Variants in VWC2L observed in about 807,000 individuals in gnomAD.
The protein encoded by VWC2L is von Willebrand factor C domain-containing protein 2-like.
In VWC2L, 10 loss-of-function variants were observed where a neutral mutation model predicts 21.6. The observed-to-expected ratio is 0.46, with a 90% CI of 0.29 to 0.78. VWC2L has a LOEUF of 0.78. VWC2L is among the 30% of genes least tolerant of loss of function. The pLI is 0.10. For missense variants in VWC2L, 209 were observed against 277.1 expected, an observed-to-expected ratio of 0.75 and a Z score of 1.74; for synonymous variants, 96 against 94.3, an observed-to-expected ratio of 1.02 and a Z score of -0.10.
intron 3 of VWC2L, among the ~76,000 whole-genome samples, chr2:214,545,928 A>G (rs1172694162): frequency 6.6e-6 from 1 of 152,192 alleles, no homozygotes; most frequent in African/African-American, 2.4e-5. Context: ...GCACATACAT[A>G]CTAGAATACT....
intron 3 of VWC2L, among the ~76,000 whole-genome samples, chr2:214,467,024 T>C (rs953775327): frequency 1.3e-5 from 2 of 152,224 alleles, no homozygotes; most frequent in African/African-American, 4.8e-5. Context: ...ATAAATGTTT[T>C]AGAGCTTTGC....
Position 214,520,276 on chromosome 2 carries a change from C to T in VWC2L, c.521-55396C>T, listed in dbSNP as rs145878829. 8.9e-4 allele frequency among the ~76,000 whole-genome samples: 136 copies of T among 152,260 alleles called. 1 individual carries two copies. In the East Asian group the frequency reaches 0.016, roughly 18 times the overall value. On this transcript the variant is annotated intron_variant, in intron 3 of 3. Coordinates refer to ENST00000312504, the MANE Select transcript of VWC2L (RefSeq NM_001080500.4). Reference sequence around the variant, plus strand: ...TAGAATCCTGGGGGTTTGCATCATACATGATGCTCATCCTATGTAACATCA... The same window carrying T: ...TAGAATCCTGGGGGTTTGCATCATATATGATGCTCATCCTATGTAACATCA...
intron 3 of VWC2L, among the ~76,000 whole-genome samples, chr2:214,471,111 A>G (rs1481892425): frequency 6.6e-6 from 1 of 152,104 alleles, no homozygotes; most frequent in Non-Finnish European, 1.5e-5. Context: ...ATTGTCTACA[A>G]GAATGTCTCA....
intron 3 of VWC2L, among the ~76,000 whole-genome samples, chr2:214,532,995 G>A (rs949158416): frequency 2.6e-5 from 4 of 151,798 alleles, no homozygotes; most frequent in Admixed American, 2.0e-4. Flanking sequence ...CAAATCCTTT[G>A]TGATACCTAT....
intron 3 of VWC2L, among the ~76,000 whole-genome samples, chr2:214,471,343 C>T (rs1022466098): frequency 7.9e-5 from 12 of 152,032 alleles, no homozygotes; most frequent in African/African-American, 1.9e-4. Flanking sequence ...TAAAGTTGAA[C>T]GAACAAATCA....
intron 3 of VWC2L, among the ~76,000 whole-genome samples, chr2:214,449,808 A>C (rs1441662605): frequency 6.6e-6 from 1 of 152,226 alleles, no homozygotes. Context: ...AAGGTGATAG[A>C]AAAGAGCAGC....
rs1288815958 is a variant in VWC2L at position 214,577,411 on chromosome 2, A to G, written c.*1591A>G. 1.3e-5 allele frequency: 2 copies of G among 152,220 alleles called. No individual in the cohort carries two copies. The highest frequency in any genetic ancestry group is 4.8e-5 in the African/African-American group (2 of 41,444). 9.4% of individuals were successfully genotyped at this position (152,220 alleles called of 1,614,324 possible). The stretch of plus-strand genomic sequence containing the variant: ...CATCACTGGCCTCTATCCACTAGCA[A>G]CATCCCAGCAACTGGTGACAACCAA... On this transcript the variant is annotated 3_prime_UTR_variant, in exon 4 of 4. Coordinates refer to ENST00000312504, the MANE Select transcript of VWC2L (RefSeq NM_001080500.4).
intron 3 of VWC2L, among the ~76,000 whole-genome samples, chr2:214,522,753 T>A (rs985981049): frequency 3.9e-5 from 6 of 152,318 alleles, no homozygotes; most frequent in African/African-American, 1.2e-4. Context: ...AAATACATAT[T>A]TGCAATAGAT....
chr2:214,414,384 G>A lies in VWC2L; in HGVS notation c.191G>A (p.Gly64Glu). ...VDDSGFVYKL[G>E]ERFFPGHSNC... ...GACAGCGGCTTTGTATACAAGTTGG[G>A]AGAACGATTTTTCCCTGGGCATTCC... The change falls in exon 2 of 4, where the codon GGA (glycine) becomes GAA (glutamate). Residue 64 changes from glycine to glutamate, a missense_variant. Physicochemically the swap from Gly to Glu is moderately conservative, Grantham distance 98. Transcript: ENST00000312504. The A allele has an allele frequency of 6.2e-7, 1 of 1,613,682 alleles. No individual in the cohort carries two copies. The highest frequency in any genetic ancestry group is 8.5e-7 in the Non-Finnish European group (1 of 1,179,748).
chr2:214,534,235 C>T (rs1053321738), intron 3 of VWC2L: 8 of 152,560 alleles, frequency 5.2e-5, no homozygotes, highest in Non-Finnish European at 1.2e-4. Context: ...GTTGTCGCAT[C>T]CTAATGCCAA....
intron 3 of VWC2L, among the ~76,000 whole-genome samples, chr2:214,563,546 C>CAAAAAAAAAAAAAAAAAAAAAAAAA (rs55864016): frequency 2.5e-4 from 24 of 95,890 alleles, no homozygotes; most frequent in African/African-American, 5.0e-4. Context: ...GACTCCGTCT[C>CAAAAAAAAAAAAAAAAAAAAAAAAA]AAAAAAAAAA....
chr2:214,413,364 A>G (rs1049647808), intron 1 of VWC2L, among the ~76,000 whole-genome samples: 4 of 152,068 alleles, frequency 2.6e-5, no homozygotes, highest in African/African-American at 9.7e-5. Context: ...CCTATGTAAA[A>G]TAATGTGGAC....
At chr2:214,460,166 C>G (rs1389506050) in intron 3 of VWC2L, among the ~76,000 whole-genome samples, 1 of 152,028 alleles carries the variant, frequency 6.6e-6, no homozygotes, top group Admixed American at 6.6e-5. Context: ...CTCTTAAAAT[C>G]CTGAGATCAC....
Position 214,563,546 on chromosome 2 carries a change from C to CAAAAAA in VWC2L, c.521-12096_521-12091dup, listed in dbSNP as rs55864016. On this transcript the variant is annotated intron_variant, in intron 3 of 3. Coordinates refer to ENST00000312504, the MANE Select transcript of VWC2L (RefSeq NM_001080500.4). ...TGGGTGACACAGCAAGACTCCGTCTCAAAAAAAAAAAAAAAAAAAAAAAAA... is the reference window on the plus strand; with the variant it reads ...TGGGTGACACAGCAAGACTCCGTCTCAAAAAAAAAAAAAAAAAAAAAAAAAAAAAAA... 1.1e-3 allele frequency among the ~76,000 whole-genome samples: 107 copies of CAAAAAA among 95,838 alleles called. 6 individuals are homozygous for CAAAAAA. Among genetic ancestry groups the CAAAAAA allele is most frequent in the African/African-American group, 3.3e-3 (78 of 23,774 alleles). The allele number at this position is 95,838 out of a possible 152,430, so 62.9% of individuals were successfully genotyped here.
At chr2:214,520,056 T>TACACACACAC (rs1393314687) in intron 3 of VWC2L, among the ~76,000 whole-genome samples, 1 of 32,238 alleles carries the variant, frequency 3.1e-5, no homozygotes, top group Non-Finnish European at 7.3e-5. Context: ...TTGCTCCTGT[T>TACACACACAC]ATACACACAC....
At chr2:214,429,027 C>T (rs1327175240) in intron 2 of VWC2L, among the ~76,000 whole-genome samples, 1 of 152,034 alleles carries the variant, frequency 6.6e-6, no homozygotes, top group Non-Finnish European at 1.5e-5. Context: ...CAGAATAGGC[C>T]AGGTCATATT....
In VWC2L at chr2:214,517,993, C is replaced by T. The variant is rs187567237; in HGVS notation, c.521-57679C>T. Among the ~76,000 whole-genome samples the T allele has an allele frequency of 8.6e-3, 1,305 of 152,200 alleles. 16 individuals carry two copies. The highest frequency in any genetic ancestry group is 0.029 in the African/African-American group (1,194 of 41,528). On this transcript the variant is annotated intron_variant, in intron 3 of 3. Coordinates refer to ENST00000312504, the MANE Select transcript of VWC2L (RefSeq NM_001080500.4). ...CATCCTGGCTAACACAGTGAAACCC[C>T]GTCTCTACTAAAAATACAAAAAATT...
At chr2:214,568,126 C>A (rs919242545) in intron 3 of VWC2L, among the ~76,000 whole-genome samples, 1 of 152,168 alleles carries the variant, frequency 6.6e-6, no homozygotes, top group African/African-American at 2.4e-5. Flanking sequence ...CCCTTAATTT[C>A]TCTGAGCTTT....
At chr2:214,435,511 G>A (rs1702667540) in intron 2 of VWC2L, among the ~76,000 whole-genome samples, 1 of 152,182 alleles carries the variant, frequency 6.6e-6, no homozygotes, top group Non-Finnish European at 1.5e-5. Flanking sequence ...TAGACTGTCT[G>A]AGTTGAGAAG....
Sources: allele counts gnomAD v4.1 joint callset (sites outside exome capture counted in the v4.1 genomes callset), GRCh38; gene constraint gnomAD v4.1.1; transcripts MANE v1.5; gene names NCBI Gene and HGNC (gene_info 2026-07-23, HGNC 2026-07-21).